The following NKAIN3 variants were observed in gnomAD, a reference collection of about 807,000 sequenced individuals.
NKAIN3 encodes the protein sodium/potassium-transporting ATPase subunit beta-1-interacting protein 3.
NKAIN3 carries 25 observed loss-of-function variants against 30.2 expected under a neutral mutation model. The ratio of observed to expected loss-of-function variants is 0.83; its 90% confidence interval spans 0.60 to 1.16. The LOEUF is 1.16. Ranked by LOEUF, NKAIN3 falls within the 50% of genes most tolerant of loss-of-function variation. The pLI, the probability that NKAIN3 is intolerant of heterozygous loss-of-function variation, is 0.00. For missense variants in NKAIN3, 225 were observed against 254.1 expected, an observed-to-expected ratio of 0.89 and a Z score of 0.78; for synonymous variants, 91 against 89.6, an observed-to-expected ratio of 1.02 and a Z score of -0.09.
chr8:62,307,226 C>T (rs1456563684), intron 1 of NKAIN3, among the ~76,000 whole-genome samples: 2 of 145,266 alleles, frequency 1.4e-5, no homozygotes, highest in East Asian at 2.0e-4. Flanking sequence ...TAACAAAACA[C>T]AGCTTTTTGT....
intron 1 of NKAIN3, among the ~76,000 whole-genome samples, chr8:62,386,806 T>C (rs960025765): frequency 3.5e-4 from 54 of 152,220 alleles, no homozygotes; most frequent in African/African-American, 1.3e-3. Flanking sequence ...TTTCTAAGTC[T>C]CAGTTCTCTG....
At chr8:62,326,746 C>T (rs1002652278) in intron 1 of NKAIN3, among the ~76,000 whole-genome samples, 3 of 151,854 alleles carry the variant, frequency 2.0e-5, no homozygotes, top group Non-Finnish European at 2.9e-5. Context: ...TTGTGAATAA[C>T]GCTGCCATGA....
intron 3 of NKAIN3, among the ~76,000 whole-genome samples, chr8:62,649,227 T>C (rs1046625251): frequency 2.0e-5 from 3 of 152,220 alleles, no homozygotes; most frequent in Admixed American, 6.5e-5. Flanking sequence ...CCTGTGATTC[T>C]AGTAAGGTAC....
At chr8:62,867,373 C>T (rs1365163599) in intron 4 of NKAIN3, among the ~76,000 whole-genome samples, 1 of 152,174 alleles carries the variant, frequency 6.6e-6, no homozygotes, top group Non-Finnish European at 1.5e-5. Context: ...ATGTATAAAG[C>T]CCTCAACATA....
Position 62,974,418 on chromosome 8 carries a change from T to C in NKAIN3, c.*9011T>C, listed in dbSNP as rs901308185. ...ATTCCTAGGTATTTTATTCTCTTTG[T>C]AGCAATTGTGAATGGGAGTTTGTTC... On this transcript the variant is annotated 3_prime_UTR_variant, in exon 7 of 7. Transcript: ENST00000623646. Among the ~76,000 whole-genome samples the C allele has an allele frequency of 1.2e-4, 18 of 152,162 alleles. No homozygotes were observed. Among genetic ancestry groups the C allele is most frequent in the African/African-American group, 4.3e-4 (18 of 41,446 alleles).
At chr8:62,440,622 A>G (rs10957223) in intron 1 of NKAIN3, among the ~76,000 whole-genome samples, 63,641 of 151,806 alleles carry the variant, frequency 0.42, 15,259 homozygotes, top group Non-Finnish European at 0.53. Flanking sequence ...GTTACCAAAA[A>G]ACCCAAATCT....
At chr8:62,698,375 C>G (rs1265449550) in intron 3 of NKAIN3, among the ~76,000 whole-genome samples, 2 of 152,186 alleles carry the variant, frequency 1.3e-5, no homozygotes, top group Non-Finnish European at 2.9e-5. Flanking sequence ...AACAGAAGTT[C>G]AAGTTCTTCT....
At chr8:62,513,786 G>T (rs750031937) in intron 1 of NKAIN3, among the ~76,000 whole-genome samples, 1 of 133,994 alleles carries the variant, frequency 7.5e-6, no homozygotes, top group South Asian at 2.5e-4. Flanking sequence ...TGGGAGTATC[G>T]TTTGACCCCA....
chr8:62,410,864 A>G (rs1804215572), intron 1 of NKAIN3, among the ~76,000 whole-genome samples: 1 of 149,964 alleles, frequency 6.7e-6, no homozygotes, highest in South Asian at 2.1e-4. Context: ...ATTGAGTCAG[A>G]AAAAAAACAA....
intron 1 of NKAIN3, among the ~76,000 whole-genome samples, chr8:62,377,600 T>C (rs1307675195): frequency 1.3e-5 from 2 of 152,172 alleles, no homozygotes; most frequent in African/African-American, 4.8e-5. Flanking sequence ...TATAATCCCG[T>C]AATTCCCACA....
intron 4 of NKAIN3, among the ~76,000 whole-genome samples, chr8:62,760,517 A>G (rs955491094): frequency 2.0e-5 from 3 of 151,994 alleles, no homozygotes; most frequent in African/African-American, 7.3e-5. Flanking sequence ...TCAGCAAACT[A>G]TCGCAAGGAC....
At chr8:62,820,916 A>T (rs1397338180) in intron 4 of NKAIN3, among the ~76,000 whole-genome samples, 8 of 152,188 alleles carry the variant, frequency 5.3e-5, no homozygotes, top group Non-Finnish European at 1.0e-4. Flanking sequence ...TTGTTTAATT[A>T]TCTTTGTGCT....
chr8:62,527,803 A>ATTC (rs1364244021), intron 1 of NKAIN3, among the ~76,000 whole-genome samples: 1 of 151,904 alleles, frequency 6.6e-6, no homozygotes, highest in Non-Finnish European at 1.5e-5. Flanking sequence ...AATCCTAAAG[A>ATTC]TTCTTCCTAG....
intron 4 of NKAIN3, among the ~76,000 whole-genome samples, chr8:62,818,703 A>G (rs1217980775): frequency 1.3e-5 from 2 of 152,140 alleles, no homozygotes; most frequent in African/African-American, 4.8e-5. Context: ...ACATGTAAGC[A>G]GCTACAAAAT....
At chr8:62,739,517 T>C (rs940380972) in intron 3 of NKAIN3, among the ~76,000 whole-genome samples, 2 of 152,182 alleles carry the variant, frequency 1.3e-5, no homozygotes, top group African/African-American at 4.8e-5. Flanking sequence ...CTAGAGCCTG[T>C]TCAGACATAT....
intron 4 of NKAIN3, among the ~76,000 whole-genome samples, chr8:62,865,468 T>G (rs1820388329): frequency 6.6e-6 from 1 of 152,176 alleles, no homozygotes; most frequent in Admixed American, 6.5e-5. Context: ...TTGCTTTTTG[T>G]GCACTCTGAT....
At chr8:62,847,934 G>T (rs1819741861) in intron 4 of NKAIN3, among the ~76,000 whole-genome samples, 1 of 152,078 alleles carries the variant, frequency 6.6e-6, no homozygotes, top group Non-Finnish European at 1.5e-5. Flanking sequence ...ATCATATAGG[G>T]AATCTTTTCC....
At chr8:62,990,535 G>A (rs1824301131) in intron 5 of NKAIN3, 1 of 310,478 alleles carries the variant, frequency 3.2e-6, no homozygotes, top group Non-Finnish European at 5.0e-6. Context: ...TATGATTTGT[G>A]AAATCTGATT....
Position 62,983,511 on chromosome 8 carries a change from C to G in NKAIN3, c.*18104C>G, listed in dbSNP as rs1444472045. 1 of 152,166 alleles carries G rather than the reference C, an allele frequency of 6.6e-6. No homozygotes were observed. The highest frequency in any genetic ancestry group is 1.9e-4 in the East Asian group (1 of 5,190). The allele number at this position is 152,166 out of a possible 1,614,324, so 9.4% of individuals were successfully genotyped here. The stretch of plus-strand genomic sequence containing the variant: ...CAAAAAGCTTGGGGAGTGATAAAAA[C>G]AAATCAAATTCACATTTTAATTTAG... On this transcript the variant is annotated 3_prime_UTR_variant, in exon 7 of 7. Coordinates refer to ENST00000623646, the MANE Select transcript of NKAIN3 (RefSeq NM_001304533.3).
Sources: gnomAD v4.1 joint callset for allele counts (sites outside exome capture counted in the v4.1 genomes callset) on GRCh38, gnomAD v4.1.1 for gene constraint, MANE v1.5 for transcripts, NCBI Gene and HGNC (gene_info 2026-07-23, HGNC 2026-07-21) for gene names.